Variants in SNTG1 observed in about 807,000 individuals in gnomAD.
SNTG1 encodes the protein syntrophin gamma 1.
A neutral mutation model predicts 74.7 loss-of-function variants in SNTG1; 39 were observed. That is an observed-to-expected ratio of 0.52 (90% CI 0.40 to 0.68). The LOEUF (loss-of-function observed/expected upper bound fraction) is 0.68, where lower values mean the gene tolerates loss of function less well. Among genes scored for constraint, SNTG1 ranks in the 30% least tolerant of loss-of-function variants. The pLI is 0.00. For synonymous variants in SNTG1, 254 were observed against 217.1 expected, an observed-to-expected ratio of 1.17 and a Z score of -1.49; for missense variants, 685 against 609.5, an observed-to-expected ratio of 1.12 and a Z score of -1.30.
intron 1 of SNTG1, among the ~76,000 whole-genome samples, chr8:50,064,636 C>T (rs1820756039): frequency 1.3e-5 from 2 of 152,198 alleles, no homozygotes; most frequent in South Asian, 2.1e-4. Context: ...CTGCCTACAC[C>T]TCCAACCTCA....
chr8:50,304,695 G>GACTT (rs1467636192), intron 2 of SNTG1, among the ~76,000 whole-genome samples: 1 of 151,996 alleles, frequency 6.6e-6, no homozygotes, highest in African/African-American at 2.4e-5. Flanking sequence ...TCTAGTTCTT[G>GACTT]ACTTATATCT....
In SNTG1 at chr8:50,430,031, T is replaced by G. The variant is rs183825419; in HGVS notation, c.163-8512T>G. On this transcript the variant is annotated intron_variant, in intron 4 of 18. Transcript: ENST00000642720. Reference sequence around the variant, plus strand: ...AGAATATAAAGTGACATGGCCACATTGAAAAACAGTCTGACAATTCCCATT... The same window carrying G: ...AGAATATAAAGTGACATGGCCACATGGAAAAACAGTCTGACAATTCCCATT... 2.5e-3 allele frequency among the ~76,000 whole-genome samples: 374 copies of G among 152,272 alleles called. 2 individuals are homozygous for G. Among genetic ancestry groups the G allele is most frequent in the Non-Finnish European group, 3.6e-3 (244 of 68,010 alleles).
chr8:50,264,338 C>T (rs753837275), intron 2 of SNTG1, among the ~76,000 whole-genome samples: 2 of 151,858 alleles, frequency 1.3e-5, no homozygotes, highest in African/African-American at 2.4e-5. Context: ...GAGGCTGAGG[C>T]GGGAAGATCG....
At chr8:50,455,644 T>C (rs1211837907) in intron 8 of SNTG1, among the ~76,000 whole-genome samples, 1 of 152,200 alleles carries the variant, frequency 6.6e-6, no homozygotes, top group Non-Finnish European at 1.5e-5. Flanking sequence ...AGTAGGAACA[T>C]ATTCTTTTTT....
intron 5 of SNTG1, among the ~76,000 whole-genome samples, chr8:50,444,331 A>AT (rs1412274562): frequency 6.6e-6 from 1 of 152,166 alleles, no homozygotes; most frequent in Non-Finnish European, 1.5e-5. Context: ...AATAACAACC[A>AT]TTGCTATAAG....
chr8:49,962,955 A>G (rs1192101299), intron 1 of SNTG1, among the ~76,000 whole-genome samples: 2 of 152,194 alleles, frequency 1.3e-5, no homozygotes, highest in African/African-American at 2.4e-5. Context: ...AGTATCTGGC[A>G]GGAGCAGGGG....
At chr8:50,415,763 T>G (rs1208361442) in intron 4 of SNTG1, among the ~76,000 whole-genome samples, 2 of 152,158 alleles carry the variant, frequency 1.3e-5, no homozygotes, top group East Asian at 3.8e-4. Flanking sequence ...GATAGCCACC[T>G]TTTTAAAAAA....
chr8:50,386,818 T>C (rs542104374), intron 2 of SNTG1, among the ~76,000 whole-genome samples: 5 of 152,210 alleles, frequency 3.3e-5, no homozygotes, highest in Admixed American at 2.6e-4. Flanking sequence ...TCTGCCTCCA[T>C]AACACAAACA....
At chr8:50,781,772 G>T (rs1313442585) in intron 18 of SNTG1, among the ~76,000 whole-genome samples, 1 of 152,104 alleles carries the variant, frequency 6.6e-6, no homozygotes, top group African/African-American at 2.4e-5. Context: ...TATTGTGCGC[G>T]TTCGTTGATG....
chr8:49,913,140 C>T (rs1437486583), intron 1 of SNTG1, among the ~76,000 whole-genome samples: 4 of 152,156 alleles, frequency 2.6e-5, no homozygotes, highest in Non-Finnish European at 4.4e-5. Flanking sequence ...AAATTTGTAA[C>T]CCGTGCCTGA....
intron 1 of SNTG1, among the ~76,000 whole-genome samples, chr8:49,987,528 G>A (rs980209046): frequency 1.3e-5 from 2 of 152,050 alleles, no homozygotes; most frequent in Admixed American, 6.6e-5. Flanking sequence ...AACAATTTAT[G>A]CCCAGAGCAT....
Position 50,294,030 on chromosome 8 carries a change from C to T in SNTG1, c.-27-100182C>T, listed in dbSNP as rs80126538. 1.4e-3 allele frequency among the ~76,000 whole-genome samples: 216 copies of T among 152,126 alleles called. 2 individuals carry two copies. Among genetic ancestry groups the T allele is most frequent in the Non-Finnish European group, 2.7e-3 (186 of 67,990 alleles). On this transcript the variant is annotated intron_variant, in intron 2 of 18. Coordinates refer to ENST00000642720, the MANE Select transcript of SNTG1 (RefSeq NM_018967.5). ...TAAACAATGATGATAAATTAATTTA[C>T]GATCTGTTATTAGGAAATGTGGAAG...
chr8:50,320,744 A>G (rs2090495698), intron 2 of SNTG1, among the ~76,000 whole-genome samples: 3 of 151,522 alleles, frequency 2.0e-5, no homozygotes, highest in Non-Finnish European at 2.9e-5. Context: ...AAATTTTCCA[A>G]TTTTCTTCTC....
In SNTG1 at chr8:50,150,003, A is replaced by C. The variant is rs575556793; in HGVS notation, c.-102-22558A>C. Among the ~76,000 whole-genome samples, 33 of 152,024 alleles carry C rather than the reference A, an allele frequency of 2.2e-4. 1 individual carries two copies. Among genetic ancestry groups the C allele is most frequent in the African/African-American group, 8.0e-4 (33 of 41,456 alleles). Reference sequence around the variant, plus strand: ...CTTGGGCAGTATGGCCATTTTCACGATATTGATTTTTCCTATCCATGACCA... The same window carrying C: ...CTTGGGCAGTATGGCCATTTTCACGCTATTGATTTTTCCTATCCATGACCA... On this transcript the variant is annotated intron_variant, in intron 1 of 18. Coordinates refer to ENST00000642720, the MANE Select transcript of SNTG1 (RefSeq NM_018967.5).
intron 18 of SNTG1, among the ~76,000 whole-genome samples, chr8:50,761,193 C>A (rs980989062): frequency 7.9e-5 from 12 of 152,014 alleles, no homozygotes; most frequent in African/African-American, 2.7e-4. Flanking sequence ...TTGGCTTTAT[C>A]CCTGGGATCA....
chr8:50,702,330 C>T (rs2095429041), intron 15 of SNTG1, among the ~76,000 whole-genome samples: 1 of 152,046 alleles, frequency 6.6e-6, no homozygotes, highest in Non-Finnish European at 1.5e-5. Context: ...TTTCTCCCTT[C>T]AGACAGAGTA....
chr8:49,953,186 G>C lies in SNTG1; in HGVS notation c.-103+40955G>C, dbSNP rs552880671. Among the ~76,000 whole-genome samples, 46 of 152,304 alleles carry C rather than the reference G, an allele frequency of 3.0e-4. 1 individual carries two copies. The highest frequency in any genetic ancestry group is 9.6e-4 in the African/African-American group (40 of 41,576). Reference sequence around the variant, plus strand: ...GAACTCCAACATTTAGAAGAACAAAGTAAGGAGAAACCAGCAGAATAGACT... The same window carrying C: ...GAACTCCAACATTTAGAAGAACAAACTAAGGAGAAACCAGCAGAATAGACT... On this transcript the variant is annotated intron_variant, in intron 1 of 18. Coordinates refer to ENST00000642720, the MANE Select transcript of SNTG1 (RefSeq NM_018967.5).
At chr8:50,632,821 C>G (rs188593367) in intron 13 of SNTG1, among the ~76,000 whole-genome samples, 79 of 152,204 alleles carry the variant, frequency 5.2e-4, no homozygotes, top group African/African-American at 1.7e-3. Context: ...AAGGTTTAGG[C>G]TATCAGTGTC....
intron 12 of SNTG1, among the ~76,000 whole-genome samples, chr8:50,582,848 C>T (rs1223261263): frequency 6.6e-6 from 1 of 151,992 alleles, no homozygotes; most frequent in Admixed American, 6.6e-5. Flanking sequence ...ACTAAAATCA[C>T]ATATTTTGGG....
Sources: allele counts gnomAD v4.1 joint callset (sites outside exome capture counted in the v4.1 genomes callset), GRCh38; gene constraint gnomAD v4.1.1; transcripts MANE v1.5; gene names NCBI Gene and HGNC (gene_info 2026-07-23, HGNC 2026-07-21).